CIMAP2: variants seen among roughly 807,000 people sequenced by gnomAD.
CIMAP2 encodes ciliary microtubule associated protein 2, also known as ciliary microtubule-associated protein 2.
chr1:54,841,814 C>T, the CIMAP2 span: 1 of 1,567,734 alleles, frequency 6.4e-7, no homozygotes, highest in Non-Finnish European at 8.7e-7. Context: ...AAGGATCACA[C>T]CATTTACTAA....
At chr1:54,819,736 T>G in the CIMAP2 span, among the ~76,000 whole-genome samples, 2 of 151,032 alleles carry the variant, frequency 1.3e-5, no homozygotes, top group South Asian at 4.2e-4. Context: ...GTGGCAGGAG[T>G]TGGCAAGTGT....
chr1:54,807,191 C>A, the CIMAP2 span: 1 of 1,243,190 alleles, frequency 8.0e-7, no homozygotes, highest in Non-Finnish European at 1.2e-6. Flanking sequence ...GTACTTTCTA[C>A]CTTCTTCCAG....
the CIMAP2 span, among the ~76,000 whole-genome samples, chr1:54,819,931 TTTC>T: frequency 1.8e-5 from 2 of 109,732 alleles, no homozygotes; most frequent in South Asian, 3.9e-4. Flanking sequence ...CCCCCCCATA[TTTC>T]TTTTCTTTCT....
chr1:54,832,599 A>G, the CIMAP2 span, among the ~76,000 whole-genome samples: 1 of 152,254 alleles, frequency 6.6e-6, no homozygotes, highest in Non-Finnish European at 1.5e-5. Context: ...CAAAGCACCC[A>G]TTAGAGGAAA....
At chr1:54,841,737 G>A in the CIMAP2 span, 1 of 1,594,272 alleles carries the variant, frequency 6.3e-7, no homozygotes, top group Non-Finnish European at 8.6e-7. Flanking sequence ...TCCCTCCAGG[G>A]ATGAGGAGCT....
the CIMAP2 span, among the ~76,000 whole-genome samples, chr1:54,820,108 C>G: frequency 4.0e-4 from 5 of 12,648 alleles, no homozygotes; most frequent in African/African-American, 7.8e-4. Context: ...TTCTTTCTCT[C>G]TCTCTCTTTC....
At chr1:54,839,168 G>A in the CIMAP2 span, among the ~76,000 whole-genome samples, 4 of 152,070 alleles carry the variant, frequency 2.6e-5, no homozygotes, top group Non-Finnish European at 4.4e-5. Context: ...ATGAGCGAAG[G>A]AAAGGAAGCA....
chr1:54,820,379 T>C, the CIMAP2 span, among the ~76,000 whole-genome samples: 2 of 151,860 alleles, frequency 1.3e-5, no homozygotes, highest in Admixed American at 1.3e-4. Flanking sequence ...GGTCTCACTA[T>C]GTTGCTAGGG....
the CIMAP2 span, chr1:54,817,240 C>G: frequency 7.3e-7 from 1 of 1,363,244 alleles, no homozygotes. Context: ...GCCCCTAATG[C>G]CAGCCAAACA....
the CIMAP2 span, among the ~76,000 whole-genome samples, chr1:54,821,033 T>C: frequency 6.6e-6 from 1 of 152,198 alleles, no homozygotes; most frequent in African/African-American, 2.4e-5. Context: ...CCTCCCAAAG[T>C]GCTAAGATTA....
chr1:54,813,303 G>A, the CIMAP2 span, among the ~76,000 whole-genome samples: 1 of 152,116 alleles, frequency 6.6e-6, no homozygotes, highest in African/African-American at 2.4e-5. Context: ...GAACTGATAC[G>A]TCATTATCAC....
chr1:54,807,520 A>T, the CIMAP2 span: 1 of 1,532,896 alleles, frequency 6.5e-7, no homozygotes, highest in South Asian at 1.3e-5. Context: ...CCACACTCTG[A>T]CTCAGTCCCA....
chr1:54,821,886 C>CTT, the CIMAP2 span, among the ~76,000 whole-genome samples: 455 of 66,596 alleles, frequency 6.8e-3, 80 homozygotes, highest in South Asian at 0.018. Flanking sequence ...CCTCTTATTT[C>CTT]TTTTTTTTTT....
the CIMAP2 span, chr1:54,841,584 C>T: frequency 5.6e-6 from 9 of 1,614,034 alleles, no homozygotes; most frequent in East Asian, 1.6e-4. Context: ...ATGAGCTGAA[C>T]TGAGTGTGAA....
At chr1:54,814,398 C>T in the CIMAP2 span, among the ~76,000 whole-genome samples, 25 of 152,328 alleles carry the variant, frequency 1.6e-4, no homozygotes, top group East Asian at 3.5e-3. Context: ...GTGGTGCACT[C>T]GGCCCTAGTG....
the CIMAP2 span, among the ~76,000 whole-genome samples, chr1:54,837,773 G>C: frequency 6.6e-6 from 1 of 152,138 alleles, no homozygotes; most frequent in Admixed American, 6.5e-5. Context: ...CCAACAACGT[G>C]CAAGGAAGTC....
At chr1:54,841,791 C>T in the CIMAP2 span, 2 of 1,592,530 alleles carry the variant, frequency 1.3e-6, no homozygotes, top group African/African-American at 1.3e-5. Flanking sequence ...TTTTTTCTGT[C>T]TTTTTAAAGG....
At chr1:54,816,942 C>T in the CIMAP2 span, 17 of 1,611,156 alleles carry the variant, frequency 1.1e-5, no homozygotes, top group Non-Finnish European at 1.4e-5. Context: ...GAGACACAGT[C>T]TCCAAGCCAG....
the CIMAP2 span, chr1:54,811,766 C>CCGGGGGGGGGGGGGCGG: frequency 1.5e-6 from 2 of 1,305,190 alleles, no homozygotes; most frequent in Non-Finnish European, 2.2e-6. Context: ...GTTCTGACAG[C>CCGGGGGGGGGGGGGCGG]CTCCATGCCC....
Sources: gnomAD v4.1 joint callset for allele counts (sites outside exome capture counted in the v4.1 genomes callset) on GRCh38, gnomAD v4.1.1 for gene constraint, MANE v1.5 for transcripts, NCBI Gene and HGNC (gene_info 2026-07-23, HGNC 2026-07-21) for gene names.